Variants in RBBP6 observed in about 807,000 individuals in gnomAD.
The protein encoded by RBBP6 is E3 ubiquitin-protein ligase RBBP6.
In RBBP6, 25 loss-of-function variants were observed where a neutral mutation model predicts 167.7. The observed-to-expected ratio is 0.15, with a 90% CI of 0.11 to 0.21. The LOEUF (loss-of-function observed/expected upper bound fraction) is 0.21, where lower values mean the gene tolerates loss of function less well. Among genes scored for constraint, RBBP6 ranks in the 10% least tolerant of loss-of-function variants. The pLI is 1.00. For synonymous variants in RBBP6, 789 were observed against 735.8 expected, an observed-to-expected ratio of 1.07 and a Z score of -1.17; for missense variants, 1,868 against 2,134.2, an observed-to-expected ratio of 0.88 and a Z score of 2.46.
chr16:24,546,058 A>G (rs1364683536), intron 1 of RBBP6, 105 bp from the exon 2 acceptor site: 5 of 1,425,494 alleles, frequency 3.5e-6, no homozygotes, highest in African/African-American at 1.5e-5. Flanking sequence ...TGTAGTTATT[A>G]TATTTAAAGT....
rs1899308873 is a variant in RBBP6, at chr16:24,570,844, A to T, written c.3810-32A>T. The T allele has an allele frequency of 1.2e-5, 17 of 1,369,850 alleles. No homozygotes were observed. The East Asian group carries it at 1.3e-4, about 11-fold the overall frequency. The allele number at this position is 1,369,850 out of a possible 1,614,324, so 84.9% of individuals were successfully genotyped here. ...TTTTATAATTAATAGTAAATTCTTC[A>T]TTAATTAAAAATATTTTGTTATTCT... On this transcript the variant is annotated intron_variant, in intron 17 of 17. Transcript: ENST00000319715.
chr16:24,542,378 T>TA (rs1898521954), intron 1 of RBBP6, among the ~76,000 whole-genome samples: 1 of 152,120 alleles, frequency 6.6e-6, no homozygotes, highest in African/African-American at 2.4e-5. Flanking sequence ...TCAGGTTTCA[T>TA]ATTTTACTGG....
chr16:24,562,400 T>A (rs1899085616), intron 10 of RBBP6, among the ~76,000 whole-genome samples: 1 of 152,192 alleles, frequency 6.6e-6, no homozygotes, highest in Non-Finnish European at 1.5e-5. Flanking sequence ...CCAGCCCCTA[T>A]TAAACGTTGA....
chr16:24,558,608 TAGAA>T (rs976827160), intron 7 of RBBP6: 3 of 710,502 alleles, frequency 4.2e-6, no homozygotes, highest in Non-Finnish European at 5.2e-6. Flanking sequence ...CTGAATGAAA[TAGAA>T]AGGGTTTCTC....
chr16:24,549,068 A>C (rs1233661355), intron 3 of RBBP6, 87 bp downstream of exon 3: 2 of 1,560,786 alleles, frequency 1.3e-6, no homozygotes, highest in South Asian at 2.4e-5. Flanking sequence ...TTAGAACTTA[A>C]TATCCAACTG....
chr16:24,571,002 T>A lies in RBBP6; in HGVS notation c.3936T>A (p.Ile1312=). The A allele has an allele frequency of 6.2e-7, 1 of 1,612,766 alleles. No individual in the cohort carries two copies. Among genetic ancestry groups the A allele is most frequent in the Non-Finnish European group, 8.5e-7 (1 of 1,178,828 alleles). ...CCGCGCCAGCTGAAGATGTTATCAT[T>A]ATGATTCAGGTTCCTCAATCCAAAT... ...DNTAPAEDVI[I]MIQVPQSKWD... is the part of the protein sequence containing the mutation. The change falls in exon 18 of 18, where the codon ATT becomes ATA. Residue 1312 remains isoleucine (I), a synonymous_variant. Coordinates refer to ENST00000319715, the MANE Select transcript of RBBP6 (RefSeq NM_006910.5).
Position 24,548,946 on chromosome 16 carries a change from A to G in RBBP6, c.268A>G (p.Ser90Gly). The change falls in exon 3 of 18, where the codon AGT becomes GGT. Residue 90 changes from serine to glycine, a missense_variant and splice_region_variant. Coordinates refer to ENST00000319715, the MANE Select transcript of RBBP6 (RefSeq NM_006910.5). Reference sequence around the variant, plus strand: ...TTTTGTTTTTATTTTGTGTTTTAGAAGTCGAACTGAACCAGCGATGGCAAC... The same window carrying G: ...TTTTGTTTTTATTTTGTGTTTTAGAGGTCGAACTGAACCAGCGATGGCAAC... ...VKSTSKTYVI[S>G]RTEPAMATTK... 1.9e-6 allele frequency: 3 copies of G among 1,607,592 alleles called. No homozygotes were observed. The highest frequency in any genetic ancestry group is 1.1e-5 in the South Asian group (1 of 89,682).
At chr16:24,566,405 T>C (rs1188752944) in intron 14 of RBBP6, among the ~76,000 whole-genome samples, 1 of 152,236 alleles carries the variant, frequency 6.6e-6, no homozygotes, top group Non-Finnish European at 1.5e-5. Context: ...CTTTGTATGA[T>C]CTTTACCCAC....
intron 1 of RBBP6, among the ~76,000 whole-genome samples, chr16:24,544,746 C>A (rs1898594435): frequency 6.6e-6 from 1 of 152,094 alleles, no homozygotes; most frequent in South Asian, 2.1e-4. Flanking sequence ...CATTCTTATA[C>A]AAGTATTGCA....
chr16:24,561,459 T>C (rs948039548), intron 8 of RBBP6, among the ~76,000 whole-genome samples, 153 bp from the exon 9 acceptor site: 7 of 152,202 alleles, frequency 4.6e-5, no homozygotes, highest in African/African-American at 1.7e-4. Flanking sequence ...ATGAGAGATT[T>C]TACTTAAGTT....
chr16:24,556,668 T>G (rs888030738), intron 7 of RBBP6, among the ~76,000 whole-genome samples: 1 of 152,222 alleles, frequency 6.6e-6, no homozygotes, highest in Non-Finnish European at 1.5e-5. Context: ...TGAGTGCCAC[T>G]TCCCTTGTAG....
intron 1 of RBBP6, 128 bp downstream of exon 1, chr16:24,540,920 C>T (rs914144534): frequency 5.2e-6 from 6 of 1,146,774 alleles, no homozygotes; most frequent in Non-Finnish European, 4.7e-6. Flanking sequence ...TTGGATACAA[C>T]TTTCATTGAT....
At chr16:24,555,301 C>T (rs1838769359) in intron 4 of RBBP6, 1 of 189,386 alleles carries the variant, frequency 5.3e-6, no homozygotes, top group Non-Finnish European at 1.1e-5. Context: ...TTTAAAACAT[C>T]AAGTGTTTCT....
intron 3 of RBBP6, among the ~76,000 whole-genome samples, chr16:24,550,216 A>G (rs1045614651): frequency 4.6e-5 from 7 of 151,886 alleles, no homozygotes; most frequent in Admixed American, 2.0e-4. Context: ...CTTAAACATG[A>G]TAATATAGAA....
Position 24,567,872 on chromosome 16 carries a change from A to G in RBBP6, c.2033A>G (p.Glu678Gly), listed in dbSNP as rs753633300. 6.2e-6 allele frequency: 10 copies of G among 1,612,774 alleles called. No individual in the cohort carries two copies. Among genetic ancestry groups the G allele is most frequent in the Non-Finnish European group, 8.5e-6 (10 of 1,179,276 alleles). Residue 678 changes from glutamate (E) to glycine (G), a missense_variant, in exon 16 of 18, where the codon GAG becomes GGG. Glu to Gly is a moderately conservative substitution (Grantham distance 98). Transcript: ENST00000319715. ...ELMEYKKIQK[E>G]RRRSFSRSKS... is the part of the protein sequence containing the mutation. Reference sequence around the variant, plus strand: ...ATGGAATACAAAAAGATTCAAAAGGAGCGTAGGCGCTCATTTTCCAGGTTA... The same window carrying G: ...ATGGAATACAAAAAGATTCAAAAGGGGCGTAGGCGCTCATTTTCCAGGTTA...
At position 24,567,773 on chromosome 16, in the gene RBBP6, T is replaced by C; in HGVS notation, c.1953-19T>C. ...AAATGGTTTTTGTTAACTTTCACTC[T>C]TTAACTTTATTTTACTAGGGAAAAG... On this transcript the variant is annotated intron_variant, in intron 15 of 17. Transcript: ENST00000319715. The C allele has an allele frequency of 6.3e-7, 1 of 1,576,974 alleles. No homozygotes were observed. The highest frequency in any genetic ancestry group is 8.7e-7 in the Non-Finnish European group (1 of 1,153,490).
At position 24,564,820 on chromosome 16, in the gene RBBP6, T is replaced by C; in HGVS notation, c.1544T>C (p.Val515Ala). 6.2e-7 allele frequency: 1 copy of C among 1,612,878 alleles called. No individual in the cohort carries two copies. Among genetic ancestry groups the C allele is most frequent in the Non-Finnish European group, 8.5e-7 (1 of 1,179,224 alleles). Reference protein sequence around the residue: ...WEHSNKLGYLVSPPQQIRRGE... With the variant: ...WEHSNKLGYLASPPQQIRRGE... ...AGTTCCAACAAACTTGGCTATCTGG[T>C]TTCTCCACCACAACAAATTAGAAGA... The change falls in exon 14 of 18, where the codon GTT (valine) becomes GCT (alanine). Residue 515 changes from valine (V) to alanine (A), a missense_variant. Transcript: ENST00000319715.
At position 24,572,751 on chromosome 16, in the gene RBBP6, T is replaced by C. The variant is rs563022238; in HGVS notation, c.*306T>C. 25 of 229,456 alleles carry C rather than the reference T, an allele frequency of 1.1e-4. No individual in the cohort carries two copies. In the South Asian group the frequency reaches 2.6e-3, roughly 24 times the overall value. 14.2% of individuals were successfully genotyped at this position (229,456 alleles called of 1,614,324 possible). ...TTCACATTTGAATTTTTTAATTGCCTGGCAAAAGCTGATATAAGTTCTAAA... is the reference window on the plus strand; with the variant it reads ...TTCACATTTGAATTTTTTAATTGCCCGGCAAAAGCTGATATAAGTTCTAAA... On this transcript the variant is annotated 3_prime_UTR_variant, in exon 18 of 18. Transcript: ENST00000319715.
Position 24,569,563 on chromosome 16 carries a change from G to C in RBBP6, c.2873G>C (p.Arg958Thr). The change falls in exon 17 of 18, where the codon AGG becomes ACG. Residue 958 changes from arginine (R) to threonine (T), a missense_variant. Coordinates refer to ENST00000319715, the MANE Select transcript of RBBP6 (RefSeq NM_006910.5). ...FLNPELLETS[R>T]KSREPTGVEE... ...AACCCAGAGTTATTAGAGACTTCTA[G>C]GAAATCAAGAGAACCTACAGGTGTT... 1.9e-6 allele frequency: 3 copies of C among 1,612,262 alleles called. No homozygotes were observed. The highest frequency in any genetic ancestry group is 2.5e-6 in the Non-Finnish European group (3 of 1,179,560).
Sources: allele counts gnomAD v4.1 joint callset (sites outside exome capture counted in the v4.1 genomes callset), GRCh38; gene constraint gnomAD v4.1.1; transcripts MANE v1.5; gene names NCBI Gene and HGNC (gene_info 2026-07-23, HGNC 2026-07-21).